CFAP97: variants seen among roughly 807,000 people sequenced by gnomAD.
CFAP97 encodes the protein cilia- and flagella-associated protein 97.
A neutral mutation model predicts 43.1 loss-of-function variants in CFAP97; 36 were observed. The ratio of observed to expected loss-of-function variants is 0.84; its 90% CI spans 0.64 to 1.10. CFAP97 has a LOEUF of 1.10. Among genes scored for constraint, CFAP97 ranks in the 50% least tolerant of loss-of-function variants. The probability of loss-of-function intolerance (pLI) is 0.00; values close to 1 mark genes in which losing one functional copy is unlikely to be tolerated. For missense variants in CFAP97, 657 were observed against 620.3 expected (o/e 1.06, Z -0.63); for synonymous variants, 228 against 225.7 (o/e 1.01, Z -0.09).
At chr4:185,201,057 C>T (rs1429645185) in intron 1 of CFAP97, among the ~76,000 whole-genome samples, 1 of 152,172 alleles carries the variant, frequency 6.6e-6, no homozygotes, top group Non-Finnish European at 1.5e-5. Context: ...GGTGCTGTGG[C>T]TCACGCCTGT....
At chr4:185,176,135 G>A (rs781506180) in intron 2 of CFAP97, 84 bp from the exon 3 acceptor site, 16 of 1,059,928 alleles carry the variant, frequency 1.5e-5, no homozygotes, top group East Asian at 2.7e-5. Context: ...CTTTTTAGAC[G>A]GAGTTTCACT....
chr4:185,191,578 T>A (rs1278469097), intron 1 of CFAP97, among the ~76,000 whole-genome samples: 1 of 152,220 alleles, frequency 6.6e-6, no homozygotes, highest in Non-Finnish European at 1.5e-5. Context: ...ATGCCTGTAA[T>A]CCCAGCACTT....
chr4:185,192,733 C>CTT (rs760026667), intron 1 of CFAP97, among the ~76,000 whole-genome samples: 2,092 of 81,344 alleles, frequency 0.026, 146 homozygotes, highest in African/African-American at 0.053. Context: ...AATTGACCTT[C>CTT]TTTTTTTTTT....
chr4:185,173,011 G>A (rs1015503234), intron 3 of CFAP97, among the ~76,000 whole-genome samples: 1 of 151,914 alleles, frequency 6.6e-6, no homozygotes, highest in Non-Finnish European at 1.5e-5. Flanking sequence ...TAAATAATTA[G>A]ATTTATATTA....
At position 185,187,337 on chromosome 4, in the gene CFAP97, T is replaced by C. The variant is rs569305511; in HGVS notation, c.1054+2806A>G. On this transcript the variant is annotated intron_variant, in intron 2 of 4. Transcript: ENST00000458385. Reference sequence around the variant, plus strand: ...CAGTCTACAAATACTGTCTATTATGTGCCTGTATTTGGAAATTCCAACAAG... The same window carrying C: ...CAGTCTACAAATACTGTCTATTATGCGCCTGTATTTGGAAATTCCAACAAG... Among the ~76,000 whole-genome samples, 4 of 152,248 alleles carry C rather than the reference T, an allele frequency of 2.6e-5. No individual in the cohort carries two copies. In the South Asian group the frequency reaches 8.3e-4, roughly 32 times the overall value.
intron 4 of CFAP97, 91 bp from the exon 5 acceptor site, chr4:185,163,016 A>T: frequency 8.7e-7 from 1 of 1,146,058 alleles, no homozygotes. Flanking sequence ...TGTGTCTAAT[A>T]GTCTAATGCT....
chr4:185,195,104 A>G (rs1736479529), intron 1 of CFAP97, among the ~76,000 whole-genome samples: 1 of 152,230 alleles, frequency 6.6e-6, no homozygotes, highest in Admixed American at 6.5e-5. Flanking sequence ...TTAAGAGGAA[A>G]ATGAATAAAT....
intron 1 of CFAP97, among the ~76,000 whole-genome samples, chr4:185,192,733 CTTTTTTTTTTT>C (rs760026667): frequency 8.6e-5 from 7 of 81,420 alleles, no homozygotes; most frequent in African/African-American, 3.8e-4. Flanking sequence ...AATTGACCTT[CTTTTTTTTTTT>C]TTTTTTTTTT....
rs377644388 is a variant in CFAP97, at chr4:185,162,568, C to T, written c.*230G>A. 2.2e-5 allele frequency: 11 copies of T among 495,436 alleles called. No individual in the cohort carries two copies. Among genetic ancestry groups the T allele is most frequent in the African/African-American group, 2.0e-4 (10 of 49,716 alleles). 30.7% of individuals were successfully genotyped at this position (495,436 alleles called of 1,614,324 possible). On this transcript the variant is annotated 3_prime_UTR_variant, in exon 5 of 5. Coordinates refer to ENST00000458385, the MANE Select transcript of CFAP97 (RefSeq NM_020827.3). ...AAGATACACATGCATACCACTATTTCTCTATTAAGAACACATACATCTCAT... is the reference window on the plus strand; with the variant it reads ...AAGATACACATGCATACCACTATTTTTCTATTAAGAACACATACATCTCAT...
chr4:185,167,097 G>A (rs1195132508), intron 3 of CFAP97, among the ~76,000 whole-genome samples: 2 of 152,058 alleles, frequency 1.3e-5, no homozygotes, highest in African/African-American at 4.8e-5. Flanking sequence ...GGACACCCCT[G>A]GTGTAAGCCC....
At chr4:185,203,085 CGGACTTTGGGA>C (rs758376379) in intron 1 of CFAP97, among the ~76,000 whole-genome samples, 29 of 152,008 alleles carry the variant, frequency 1.9e-4, no homozygotes, top group Non-Finnish European at 3.7e-4. Context: ...CTGTAATCCC[CGGACTTTGGGA>C]GGCCAAGACA....
At chr4:185,186,891 A>C (rs1425758081) in intron 2 of CFAP97, among the ~76,000 whole-genome samples, 6 of 152,356 alleles carry the variant, frequency 3.9e-5, no homozygotes, top group African/African-American at 1.4e-4. Context: ...AAAATGTTTA[A>C]AAATCGTTGT....
At chr4:185,171,178 CTATT>C (rs1390571981) in intron 3 of CFAP97, among the ~76,000 whole-genome samples, 2 of 151,878 alleles carry the variant, frequency 1.3e-5, no homozygotes, top group Non-Finnish European at 2.9e-5. Context: ...GGGCTATTGT[CTATT>C]TATTTTCATT....
At chr4:185,197,102 T>TAAAAAAAA (rs60986571) in intron 1 of CFAP97, among the ~76,000 whole-genome samples, 1 of 86,770 alleles carries the variant, frequency 1.2e-5, no homozygotes, top group African/African-American at 4.8e-5. Context: ...CCCTCTTAAT[T>TAAAAAAAA]AAAAAAAAAA....
upstream of CFAP97, among the ~76,000 whole-genome samples, chr4:185,207,076 C>A (rs866855547): frequency 6.6e-6 from 1 of 152,134 alleles, no homozygotes; most frequent in Admixed American, 6.5e-5. Flanking sequence ...TTGCCCACAT[C>A]AAGGGTGGAT....
chr4:185,188,040 G>A (rs1736078933), intron 2 of CFAP97, among the ~76,000 whole-genome samples: 1 of 151,954 alleles, frequency 6.6e-6, no homozygotes, highest in Admixed American at 6.6e-5. Flanking sequence ...GGGACTATAG[G>A]CGCCTGCCAC....
chr4:185,162,631 C>A lies in CFAP97; in HGVS notation c.*167G>T. The A allele has an allele frequency of 3.0e-6, 2 of 675,164 alleles. No individual in the cohort carries two copies. The highest frequency in any genetic ancestry group is 4.9e-6 in the Non-Finnish European group (2 of 411,168). The allele number at this position is 675,164 out of a possible 1,614,324, so 41.8% of individuals were successfully genotyped here. A position where few individuals can be genotyped will look rare whatever the true frequency, so the allele number is the denominator to read the frequency against. ...TCAGGAAACACTTTTTACATTAAAT[C>A]GTTTTTTGACAATAATTTTGCACTG... On this transcript the variant is annotated 3_prime_UTR_variant, in exon 5 of 5. Transcript: ENST00000458385.
chr4:185,168,000 A>C (rs867699865), intron 3 of CFAP97, among the ~76,000 whole-genome samples: 7 of 135,154 alleles, frequency 5.2e-5, no homozygotes, highest in African/African-American at 2.3e-4. Context: ...CTCCTTCTCA[A>C]AAAAAAAAAA....
chr4:185,192,178 T>C (rs1212921894), intron 1 of CFAP97, among the ~76,000 whole-genome samples: 2 of 152,186 alleles, frequency 1.3e-5, no homozygotes, highest in African/African-American at 4.8e-5. Flanking sequence ...GGAACAAAAC[T>C]TCTAAGTCAC....
Sources: allele counts gnomAD v4.1 joint callset (sites outside exome capture counted in the v4.1 genomes callset), GRCh38; gene constraint gnomAD v4.1.1; transcripts MANE v1.5; gene names NCBI Gene and HGNC (gene_info 2026-07-23, HGNC 2026-07-21).